DCTN2: variants seen among roughly 807,000 people sequenced by gnomAD.
DCTN2 encodes the protein dynactin subunit 2.
DCTN2 carries 18 observed loss-of-function variants against 55.4 expected under a neutral mutation model. The ratio of observed to expected loss-of-function variants is 0.32; its 90% CI spans 0.22 to 0.48. The LOEUF (loss-of-function observed/expected upper bound fraction) is 0.48, where lower values mean the gene tolerates loss of function less well. DCTN2 is among the 20% of genes least tolerant of loss of function. The pLI is 0.99. For missense variants in DCTN2, 390 were observed against 491.0 expected, an observed-to-expected ratio of 0.79 and a Z score of 1.94; for synonymous variants, 168 against 185.2, an observed-to-expected ratio of 0.91 and a Z score of 0.76.
chr12:57,533,134 A>T, intron 8 of DCTN2, 104 bp downstream of exon 8: 1 of 1,562,916 alleles, frequency 6.4e-7, no homozygotes, highest in Non-Finnish European at 8.8e-7. Context: ...CCTGTAACTG[A>T]AGCCCTTTGA....
chr12:57,545,987 G>A (rs2140142033), intron 2 of DCTN2, 41 bp downstream of exon 2: 1 of 1,602,724 alleles, frequency 6.2e-7, no homozygotes, highest in Non-Finnish European at 8.5e-7. Flanking sequence ...AGGGGAGAAA[G>A]GTCAGAGTCC....
intron 2 of DCTN2, chr12:57,542,952 A>G: frequency 4.4e-6 from 2 of 456,046 alleles, no homozygotes; most frequent in South Asian, 3.1e-5. Flanking sequence ...TTACCCTTGA[A>G]TCCTCTGTTC....
At chr12:57,536,600 A>G (rs939932551) in intron 2 of DCTN2, among the ~76,000 whole-genome samples, 2 of 152,148 alleles carry the variant, frequency 1.3e-5, no homozygotes, top group African/African-American at 4.8e-5. Context: ...ACGCTGCAGC[A>G]CCTGATTTTT....
intron 2 of DCTN2, chr12:57,538,354 C>T (rs757669506): frequency 3.6e-5 from 24 of 662,686 alleles, no homozygotes; most frequent in Non-Finnish European, 6.1e-5. Flanking sequence ...AGATCTGGGG[C>T]ATGAGTTGGG....
chr12:57,536,202 C>G (rs1880219569), intron 2 of DCTN2: 2 of 239,794 alleles, frequency 8.3e-6, no homozygotes, highest in African/African-American at 4.5e-5. Context: ...CTTTTAACCT[C>G]CCCCTCCCAA....
intron 2 of DCTN2, among the ~76,000 whole-genome samples, chr12:57,541,548 G>A (rs950326815): frequency 2.0e-5 from 3 of 152,164 alleles, no homozygotes; most frequent in Non-Finnish European, 4.4e-5. Context: ...CTACCTTTTG[G>A]AGAAATGAAG....
At chr12:57,535,389 A>T in intron 4 of DCTN2, 95 bp downstream of exon 4, 2 of 1,486,680 alleles carry the variant, frequency 1.3e-6, no homozygotes, top group Non-Finnish European at 1.9e-6. Context: ...GAGGAGGAAC[A>T]GAATCCCGCC....
chr12:57,541,628 T>C (rs1319654308), intron 2 of DCTN2, among the ~76,000 whole-genome samples: 1 of 152,144 alleles, frequency 6.6e-6, no homozygotes, highest in Non-Finnish European at 1.5e-5. Flanking sequence ...AGTTATGCCA[T>C]AAAGAGAGAA....
At position 57,535,507 on chromosome 12, in the gene DCTN2, A is replaced by G. The variant is rs751629652; in HGVS notation, c.241T>C (p.Tyr81His). The G allele has an allele frequency of 4.3e-6, 7 of 1,614,022 alleles. No homozygotes were observed. The highest frequency in any genetic ancestry group is 5.9e-6 in the Non-Finnish European group (7 of 1,179,902). Residue 81 changes from tyrosine to histidine, a missense_variant, in exon 4 of 14, where the codon TAT (tyrosine) becomes CAT (histidine). Tyr to His is a moderately conservative substitution (Grantham distance 83, BLOSUM62 2). Transcript: ENST00000548249. ...ACCATCTCATATTCTCCAGATTCAT[A>G]TCCTGTCCTCTTGGTTTTTCCAATA... The part of the protein sequence containing the change: ...DRIGKTKRTG[Y>H]ESGEYEMLGE...
rs1475752697 is a variant in DCTN2, at chr12:57,532,287, C to T, written c.953G>A (p.Arg318His). The T allele has an allele frequency of 9.0e-6, 14 of 1,562,486 alleles. No individual in the cohort carries two copies. Among genetic ancestry groups the T allele is most frequent in the Non-Finnish European group, 1.2e-5 (14 of 1,152,908 alleles). Residue 318 changes from arginine (R) to histidine (H), a missense_variant, in exon 12 of 14, where the codon CGC (arginine) becomes CAC (histidine). By Grantham distance (29) the Arg-to-His change is conservative. Around this residue, in one of 2 missense-constraint regions of DCTN2, gnomAD observed 273 missense variants for 303.2 expected, o/e 0.90. Coordinates refer to ENST00000548249, the MANE Select transcript of DCTN2 (RefSeq NM_001261413.2). ...GAGGGTGGAGGCAATGGGGCTCCAG[C>T]GCTGTATAGTTTCATATAGCTGGTG... ...KVHQLYETIQ[R>H]WSPIASTLPE...
intron 2 of DCTN2, chr12:57,540,030 T>C (rs1253712096): frequency 6.4e-6 from 6 of 941,996 alleles, no homozygotes; most frequent in Non-Finnish European, 6.3e-6. Context: ...CCAGCCTGGG[T>C]GACAGAGTGA....
At chr12:57,530,899 G>T in intron 13 of DCTN2, 124 bp from the exon 14 acceptor site, 1 of 851,100 alleles carries the variant, frequency 1.2e-6, no homozygotes, top group Non-Finnish European at 1.9e-6. Context: ...CCACAGAGGG[G>T]GGATGTTTAT....
intron 13 of DCTN2, 126 bp from the exon 14 acceptor site, chr12:57,530,901 G>C: frequency 1.2e-6 from 1 of 812,706 alleles, no homozygotes; most frequent in Non-Finnish European, 2.1e-6. Flanking sequence ...ACAGAGGGGG[G>C]ATGTTTATAG....
rs1041573137 is a variant in DCTN2, at chr12:57,532,124, G to C, written c.1028-18C>G. ...CTGCATGGCTACAAAAGAAAAGTAT[G>C]GTTGAGACTTGAATCCAAGATAAGG... On this transcript the variant is annotated intron_variant, in intron 12 of 13. Coordinates refer to ENST00000548249, the MANE Select transcript of DCTN2 (RefSeq NM_001261413.2). 3.9e-6 allele frequency: 6 copies of C among 1,554,340 alleles called. No individual in the cohort carries two copies. Among genetic ancestry groups the C allele is most frequent in the Admixed American group, 2.0e-5 (1 of 51,184 alleles).
intron 2 of DCTN2, chr12:57,541,446 G>A (rs1880686745): frequency 6.1e-6 from 9 of 1,471,082 alleles, no homozygotes; most frequent in East Asian, 4.5e-5. Flanking sequence ...GTTCAAGTGC[G>A]CCAACAGTCA....
Position 57,534,085 on chromosome 12 carries a change from C to T in DCTN2, c.537G>A (p.Leu179=), listed in dbSNP as rs754758131. The part of the protein sequence containing the change: ...PDGALAKRLL[L]QLEATKNSKG... ...TGCTGTTCTTTGTTGCTTCCAGCTG[C>T]AGTAGTAGGCGCCTAGTTAGGAGAC... The change falls in exon 7 of 14, where the codon CTG becomes CTA. Residue 179 remains leucine (L), a synonymous_variant. Transcript: ENST00000548249. 1.9e-6 allele frequency: 3 copies of T among 1,599,988 alleles called. No individual in the cohort carries two copies. Among genetic ancestry groups the T allele is most frequent in the Admixed American group, 3.5e-5 (2 of 57,366 alleles).
chr12:57,530,501 C>A lies in DCTN2; in HGVS notation c.*188G>T. The A allele has an allele frequency of 1.9e-6, 1 of 515,420 alleles. No individual in the cohort carries two copies. The highest frequency in any genetic ancestry group is 3.4e-6 in the Non-Finnish European group (1 of 292,014). The allele number at this position is 515,420 out of a possible 1,614,324, so 31.9% of individuals were successfully genotyped here. A position where few individuals can be genotyped will look rare whatever the true frequency, so the allele number is the denominator to read the frequency against. ...GGGGAGACCACCTTCTGATGATAAC[C>A]AACCCCTAGCTACCACTCTGTATTC... On this transcript the variant is annotated 3_prime_UTR_variant, in exon 14 of 14. Transcript: ENST00000548249.
intron 2 of DCTN2, chr12:57,541,486 T>A (rs1228035020): frequency 7.4e-6 from 8 of 1,085,784 alleles, no homozygotes; most frequent in African/African-American, 1.6e-5. Context: ...CTCCAGGATC[T>A]TCTAAACTGT....
chr12:57,532,703 CCATAAT>C (rs750998385), intron 10 of DCTN2, 24 bp downstream of exon 10: 1 of 1,613,826 alleles, frequency 6.2e-7, no homozygotes, highest in South Asian at 1.1e-5. Context: ...CCCAAGCTAT[CCATAAT>C]TTAATTTTCC....
Sources: gnomAD v4.1 joint callset for allele counts (sites outside exome capture counted in the v4.1 genomes callset) on GRCh38, gnomAD v4.1.1 for gene constraint, gnomAD v4.1.1 regional missense constraint, MANE v1.5 for transcripts, NCBI Gene and HGNC (gene_info 2026-07-23, HGNC 2026-07-21) for gene names.